Variants in SGK3 observed in about 807,000 individuals in gnomAD.
SGK3 encodes the protein serum/glucocorticoid regulated kinase family member 3, also known as serine/threonine-protein kinase Sgk3.
A neutral mutation model predicts 68.5 loss-of-function variants in SGK3; 47 were observed. The observed-to-expected ratio is 0.69, with a 90% CI of 0.54 to 0.87. The LOEUF is 0.87. SGK3 is among the 40% of genes least tolerant of loss of function. The probability of loss-of-function intolerance (pLI) is 0.00; values close to 1 mark genes in which losing one functional copy is unlikely to be tolerated. For missense variants in SGK3, 479 were observed against 575.5 expected (o/e 0.83, Z 1.72); for synonymous variants, 181 against 189.1 (o/e 0.96, Z 0.35).
At chr8:66,782,949 A>T (rs776457038) in intron 1 of SGK3, among the ~76,000 whole-genome samples, 18 of 152,216 alleles carry the variant, frequency 1.2e-4, no homozygotes, top group Non-Finnish European at 1.8e-4. Flanking sequence ...ATCCATTTAC[A>T]GGTTTTTGTG....
intron 1 of SGK3, among the ~76,000 whole-genome samples, chr8:66,725,052 C>T (rs978083773): frequency 6.6e-6 from 1 of 152,018 alleles, no homozygotes; most frequent in Non-Finnish European, 1.5e-5. Context: ...TGGTGAAACC[C>T]CATCTCTACT....
intron 1 of SGK3, among the ~76,000 whole-genome samples, chr8:66,755,470 A>G (rs754335544): frequency 3.9e-5 from 6 of 152,208 alleles, no homozygotes; most frequent in Non-Finnish European, 5.9e-5. Flanking sequence ...GGCATCATGT[A>G]GACACTCAGA....
intron 1 of SGK3, among the ~76,000 whole-genome samples, chr8:66,752,267 A>T (rs983171248): frequency 2.6e-5 from 4 of 152,084 alleles, no homozygotes; most frequent in African/African-American, 9.7e-5. Flanking sequence ...AACTTACTGT[A>T]TGTGTAGTAT....
At chr8:66,789,034 T>C (rs1807325159) in intron 1 of SGK3, among the ~76,000 whole-genome samples, 2 of 152,076 alleles carry the variant, frequency 1.3e-5, no homozygotes, top group African/African-American at 4.8e-5. Flanking sequence ...AATTTGCATC[T>C]CATTGTCCTT....
At chr8:66,750,349 G>A (rs909388403) in intron 1 of SGK3, among the ~76,000 whole-genome samples, 2 of 151,914 alleles carry the variant, frequency 1.3e-5, no homozygotes, top group African/African-American at 2.4e-5. Flanking sequence ...TTCCTTCCTA[G>A]TTCTCTGCTT....
Position 66,840,192 on chromosome 8 carries a change from T to C in SGK3, c.855-19T>C. ...CGGTTTGTATTCAGTTTTGCGTTTC[T>C]TTCCTTTTAATTTGATAGAGACTTG... On this transcript the variant is annotated intron_variant, in intron 11 of 16. Coordinates refer to ENST00000521198, the MANE Select transcript of SGK3 (RefSeq NM_001033578.3). 1 of 1,595,920 alleles carries C rather than the reference T, an allele frequency of 6.3e-7. No individual in the cohort carries two copies. The highest frequency in any genetic ancestry group is 8.5e-7 in the Non-Finnish European group (1 of 1,172,180).
intron 15 of SGK3, 120 bp downstream of exon 15, chr8:66,847,468 A>C (rs1475942078): frequency 1.4e-6 from 2 of 1,406,158 alleles, no homozygotes; most frequent in Non-Finnish European, 1.9e-6. Flanking sequence ...AGCAACATGG[A>C]AAAAAAGCAT....
chr8:66,775,782 C>G (rs192530262), intron 1 of SGK3: 1 of 152,174 alleles, frequency 6.6e-6, no homozygotes, highest in Non-Finnish European at 1.5e-5. Flanking sequence ...GGGACTGTTA[C>G]TTAAACATGG....
At chr8:66,800,358 G>A (rs530196138) in intron 3 of SGK3, among the ~76,000 whole-genome samples, 60 of 145,728 alleles carry the variant, frequency 4.1e-4, no homozygotes, top group African/African-American at 1.2e-3. Context: ...AAAAAGTGGC[G>A]GGGGGGGAGT....
intron 1 of SGK3, among the ~76,000 whole-genome samples, chr8:66,761,392 T>G (rs1456484651): frequency 1.3e-5 from 2 of 152,356 alleles, no homozygotes; most frequent in Non-Finnish European, 1.5e-5. Context: ...TCCTGCCAAG[T>G]CACCAGTAGT....
intron 16 of SGK3, 57 bp from the exon 17 acceptor site, chr8:66,859,354 G>T (rs1221381681): frequency 1.4e-6 from 2 of 1,472,808 alleles, no homozygotes; most frequent in Admixed American, 4.2e-5. Context: ...ATAAATAAAG[G>T]ATTAAATTAA....
In SGK3 at chr8:66,783,372, T is replaced by C. The variant is rs573045235; in HGVS notation, c.-121-10244T>C. Among the ~76,000 whole-genome samples, 4 of 152,360 alleles carry C rather than the reference T, an allele frequency of 2.6e-5. No individual in the cohort carries two copies. In the South Asian group the frequency reaches 8.3e-4, roughly 32 times the overall value. Reference sequence around the variant, plus strand: ...AGATAACAGTCCTTTATTGGCTGTATCTTCTGCAAATGTTTTCTTCCAGTC... The same window carrying C: ...AGATAACAGTCCTTTATTGGCTGTACCTTCTGCAAATGTTTTCTTCCAGTC... On this transcript the variant is annotated intron_variant, in intron 1 of 16. Coordinates refer to ENST00000521198, the MANE Select transcript of SGK3 (RefSeq NM_001033578.3).
At chr8:66,747,390 A>G (rs558434975) in intron 1 of SGK3, among the ~76,000 whole-genome samples, 3 of 152,330 alleles carry the variant, frequency 2.0e-5, no homozygotes, top group South Asian at 4.1e-4. Context: ...ACTATCTTCA[A>G]GTAGTTTAAA....
intron 5 of SGK3, among the ~76,000 whole-genome samples, chr8:66,816,821 G>C (rs777029039): frequency 6.6e-6 from 1 of 151,882 alleles, no homozygotes; most frequent in Non-Finnish European, 1.5e-5. Context: ...TTAAGGAAAC[G>C]TACTTTATTT....
At chr8:66,819,174 T>A (rs1476463104) in intron 5 of SGK3, among the ~76,000 whole-genome samples, 1 of 152,210 alleles carries the variant, frequency 6.6e-6, no homozygotes, top group Admixed American at 6.5e-5. Context: ...CTCTTTAAAA[T>A]ACAGTTTTTC....
At chr8:66,722,613 C>G (rs1220097497) in intron 1 of SGK3, among the ~76,000 whole-genome samples, 1 of 152,194 alleles carries the variant, frequency 6.6e-6, no homozygotes, top group Non-Finnish European at 1.5e-5. Context: ...CAACATGGTG[C>G]TAAAATTGAT....
chr8:66,718,257 T>A (rs1431937397), intron 1 of SGK3, among the ~76,000 whole-genome samples: 2 of 145,926 alleles, frequency 1.4e-5, no homozygotes, highest in Non-Finnish European at 3.0e-5. Flanking sequence ...ACTCCTGACC[T>A]CAAGTGATCT....
At chr8:66,772,420 G>C (rs1806540981) in intron 1 of SGK3, among the ~76,000 whole-genome samples, 1 of 150,948 alleles carries the variant, frequency 6.6e-6, no homozygotes, top group Non-Finnish European at 1.5e-5. Flanking sequence ...TTTGAGGCAG[G>C]GTCTCTCTCT....
chr8:66,816,447 G>A (rs1328590808), intron 5 of SGK3, among the ~76,000 whole-genome samples: 1 of 148,910 alleles, frequency 6.7e-6, no homozygotes, highest in Admixed American at 6.9e-5. Flanking sequence ...CCAGGTTCAA[G>A]TGATTCTCCT....
Sources: allele counts gnomAD v4.1 joint callset (sites outside exome capture counted in the v4.1 genomes callset), GRCh38; gene constraint gnomAD v4.1.1; transcripts MANE v1.5; gene names NCBI Gene and HGNC (gene_info 2026-07-23, HGNC 2026-07-21).